Variants in ECT2 observed in about 807,000 individuals in gnomAD.
ECT2 encodes the protein epithelial cell transforming 2.
Under a neutral mutation model 116.9 loss-of-function variants are expected in ECT2, and 61 were observed. That is an observed-to-expected ratio of 0.52 (90% CI 0.42 to 0.65). The LOEUF (loss-of-function observed/expected upper bound fraction) is 0.65, where lower values mean the gene tolerates loss of function less well. ECT2 is among the 30% of genes least tolerant of loss of function. The pLI, the probability that ECT2 is intolerant of heterozygous loss-of-function variation, is 0.00. For missense variants in ECT2, 937 were observed against 1,078.7 expected (o/e 0.87, Z 1.84); for synonymous variants, 358 against 346.4 (o/e 1.03, Z -0.37).
intron 17 of ECT2, among the ~76,000 whole-genome samples, chr3:172,785,545 T>C (rs548404889): frequency 6.6e-6 from 1 of 151,826 alleles, no homozygotes; most frequent in African/African-American, 2.4e-5. Context: ...GATAACTAAA[T>C]TATAAACAGG....
At chr3:172,814,924 T>C (rs1729427012) in intron 22 of ECT2, among the ~76,000 whole-genome samples, 1 of 152,188 alleles carries the variant, frequency 6.6e-6, no homozygotes, top group African/African-American at 2.4e-5. Flanking sequence ...ACTGTAACTT[T>C]GTGCCTGTTG....
chr3:172,786,606 C>A, intron 18 of ECT2, 32 bp downstream of exon 18: 4 of 1,400,010 alleles, frequency 2.9e-6, no homozygotes, highest in Non-Finnish European at 3.0e-6. Flanking sequence ...TTTGATTGTG[C>A]CTTAGATTTC....
intron 13 of ECT2, among the ~76,000 whole-genome samples, chr3:172,771,719 G>A (rs1460628051): frequency 6.6e-6 from 1 of 152,170 alleles, no homozygotes; most frequent in East Asian, 1.9e-4. Context: ...GGGGAAATTG[G>A]GGAATCAATG....
At chr3:172,769,182 G>GT (rs1304933815) in intron 13 of ECT2, 39 bp downstream of exon 13, 1 of 1,546,998 alleles carries the variant, frequency 6.5e-7, no homozygotes. Flanking sequence ...TTCTGTTCCA[G>GT]TGTTCCTAAG....
chr3:172,804,454 T>C (rs1298050816), intron 20 of ECT2, among the ~76,000 whole-genome samples: 1 of 152,218 alleles, frequency 6.6e-6, no homozygotes, highest in African/African-American at 2.4e-5. Context: ...AATTCTCAAC[T>C]ACCTGTTTCC....
intron 4 of ECT2, among the ~76,000 whole-genome samples, chr3:172,755,802 A>G (rs939467747): frequency 6.6e-6 from 1 of 152,232 alleles, no homozygotes; most frequent in African/African-American, 2.4e-5. Flanking sequence ...ACGGTAATTT[A>G]TAATCAGGGA....
At chr3:172,829,096 G>C in the ECT2 span, 68 of 689,280 alleles carry the variant, frequency 9.9e-5, no homozygotes, top group Non-Finnish European at 1.1e-4. Flanking sequence ...GAAGGAGGCA[G>C]ACACAGGCCT....
chr3:172,771,212 C>T (rs1720573402), intron 13 of ECT2: 1 of 151,932 alleles, frequency 6.6e-6, no homozygotes, highest in Non-Finnish European at 1.5e-5. Flanking sequence ...TTAAAGATGA[C>T]TAAAGGTAAC....
chr3:172,811,376 T>C (rs972323484), intron 22 of ECT2, among the ~76,000 whole-genome samples: 7 of 152,186 alleles, frequency 4.6e-5, no homozygotes, highest in African/African-American at 1.7e-4. Context: ...ATTTGTATCT[T>C]AGCAAAAATA....
intron 17 of ECT2, among the ~76,000 whole-genome samples, chr3:172,785,547 A>T (rs1262783908): frequency 6.6e-6 from 1 of 151,942 alleles, no homozygotes; most frequent in African/African-American, 2.4e-5. Context: ...TAACTAAATT[A>T]TAAACAGGAA....
At chr3:172,753,632 G>A (rs1405050884) in intron 1 of ECT2, among the ~76,000 whole-genome samples, 3 of 152,208 alleles carry the variant, frequency 2.0e-5, no homozygotes, top group Non-Finnish European at 4.4e-5. Flanking sequence ...CAGAGGATGA[G>A]TCAAGAGTGT....
chr3:172,777,095 C>T (rs1329616805), intron 14 of ECT2, among the ~76,000 whole-genome samples: 1 of 152,156 alleles, frequency 6.6e-6, no homozygotes, highest in East Asian at 1.9e-4. Context: ...AGGTCTCAAA[C>T]TCCTGACCTC....
At chr3:172,814,902 T>G (rs1577044935) in intron 22 of ECT2, among the ~76,000 whole-genome samples, 2 of 152,178 alleles carry the variant, frequency 1.3e-5, no homozygotes, top group East Asian at 3.8e-4. Flanking sequence ...CAGAACTTAT[T>G]TCTCCTTTCT....
chr3:172,811,252 A>G (rs1003191115), intron 22 of ECT2, among the ~76,000 whole-genome samples: 6 of 152,284 alleles, frequency 3.9e-5, no homozygotes, highest in African/African-American at 1.4e-4. Flanking sequence ...GAAAGAATGA[A>G]TAACAAATAA....
downstream of ECT2, among the ~76,000 whole-genome samples, chr3:172,823,147 T>C (rs1185613848): frequency 2.0e-5 from 3 of 152,158 alleles, no homozygotes; most frequent in Non-Finnish European, 4.4e-5. Context: ...TTTTCATCAA[T>C]TTAACCAATA....
intron 20 of ECT2, among the ~76,000 whole-genome samples, chr3:172,804,731 A>G (rs1185045354): frequency 2.0e-5 from 3 of 152,078 alleles, no homozygotes; most frequent in Admixed American, 1.3e-4. Flanking sequence ...CCTGAGAGCT[A>G]TGGCTTACTT....
At chr3:172,759,736 G>A (rs1717847085) in intron 6 of ECT2, among the ~76,000 whole-genome samples, 1 of 152,098 alleles carries the variant, frequency 6.6e-6, no homozygotes, top group African/African-American at 2.4e-5. Flanking sequence ...GAGCCACCGC[G>A]CCCGGCCAGA....
intron 14 of ECT2, among the ~76,000 whole-genome samples, chr3:172,779,099 T>C (rs1722260279): frequency 6.6e-6 from 1 of 152,186 alleles, no homozygotes; most frequent in South Asian, 2.1e-4. Context: ...TAAAATCCTC[T>C]ATGATGTAGG....
intron 22 of ECT2, among the ~76,000 whole-genome samples, chr3:172,811,714 T>C (rs1257819077): frequency 6.6e-6 from 1 of 152,222 alleles, no homozygotes; most frequent in Non-Finnish European, 1.5e-5. Flanking sequence ...ACTTGGAGTT[T>C]AGTTTCATTA....
Sources: allele counts gnomAD v4.1 joint callset (sites outside exome capture counted in the v4.1 genomes callset), GRCh38; gene constraint gnomAD v4.1.1; transcripts MANE v1.5; gene names NCBI Gene and HGNC (gene_info 2026-07-23, HGNC 2026-07-21).